Variants in TMEM38A observed in about 807,000 individuals in gnomAD.
The protein encoded by TMEM38A is transmembrane protein 38A.
In TMEM38A, 17 loss-of-function variants were observed where a neutral mutation model predicts 28.6. That is an observed-to-expected ratio of 0.60 (90% CI 0.41 to 0.89). The LOEUF (loss-of-function observed/expected upper bound fraction) is 0.89. Among genes scored for constraint, TMEM38A ranks in the 40% least tolerant of loss-of-function variants. The pLI is 0.00. For missense variants in TMEM38A, 328 were observed against 393.1 expected (o/e 0.83, Z 1.40); for synonymous variants, 169 against 166.1 (o/e 1.02, Z -0.14).
Position 16,688,469 on chromosome 19 carries a change from T to G in TMEM38A, c.*98T>G. 1.0e-6 allele frequency: 1 copy of G among 1,001,790 alleles called. No individual in the cohort carries two copies. Among genetic ancestry groups the G allele is most frequent in the Non-Finnish European group, 1.3e-6 (1 of 742,010 alleles). The allele number at this position is 1,001,790 out of a possible 1,614,324, so 62.1% of individuals were successfully genotyped here. ...AGATCTATCCTTTCCTGGCCTTGAC[T>G]TCCCCATCTGCAAATCAGGGTCATT... is the stretch of plus-strand genomic sequence containing the variant. On this transcript the variant is annotated 3_prime_UTR_variant, in exon 6 of 6. Coordinates refer to ENST00000187762, the MANE Select transcript of TMEM38A (RefSeq NM_024074.4).
intron 1 of TMEM38A, among the ~76,000 whole-genome samples, chr19:16,675,096 C>A (rs73006573): frequency 0.022 from 3,419 of 152,248 alleles, 47 homozygotes; most frequent in Middle Eastern, 0.041. Context: ...TCTCAGAGTT[C>A]TGGAGGCTGG....
Position 16,688,283 on chromosome 19 carries a change from C to T in TMEM38A, c.812C>T (p.Pro271Leu), listed in dbSNP as rs2086810208. The change falls in exon 6 of 6, where the codon CCA (proline) becomes CTA (leucine). Residue 271 changes from proline (P) to leucine (L), a missense_variant. Transcript: ENST00000187762. Reference protein sequence around the residue: ...NHGGSHSGGGPGAQHSAMPAK... With the variant: ...NHGGSHSGGGLGAQHSAMPAK... ...GGTGGGTCCCACAGCGGTGGTGGGC[C>T]AGGAGCTCAGCATTCGGCCATGCCC... 1 of 1,608,626 alleles carries T rather than the reference C, an allele frequency of 6.2e-7. No homozygotes were observed. The highest frequency in any genetic ancestry group is 1.3e-5 in the African/African-American group (1 of 74,604).
At chr19:16,679,252 CGTGTGTGTGTGTGTGT>C (rs35543309) in intron 1 of TMEM38A, among the ~76,000 whole-genome samples, 4,648 of 128,382 alleles carry the variant, frequency 0.036, 270 homozygotes, top group African/African-American at 0.12. Flanking sequence ...TCTTTTGTTT[CGTGTGTGTGTGTGTGT>C]GTGTGTGTGT....
intron 1 of TMEM38A, among the ~76,000 whole-genome samples, chr19:16,676,822 A>G (rs1483908105): frequency 2.2e-5 from 3 of 135,988 alleles, no homozygotes; most frequent in Non-Finnish European, 4.5e-5. Flanking sequence ...GGGCAATGGC[A>G]CGATCTCAGC....
At chr19:16,676,917 C>T (rs988213571) in intron 1 of TMEM38A, among the ~76,000 whole-genome samples, 2 of 151,718 alleles carry the variant, frequency 1.3e-5, no homozygotes, top group Admixed American at 6.6e-5. Flanking sequence ...CCCACCACCA[C>T]GCCTGGCTAA....
At chr19:16,683,295 G>T (rs1438667610) in intron 4 of TMEM38A, among the ~76,000 whole-genome samples, 1 of 152,060 alleles carries the variant, frequency 6.6e-6, no homozygotes, top group Non-Finnish European at 1.5e-5. Context: ...ATTTTTAAAA[G>T]ACCTTGTTGG....
chr19:16,683,622 A>G (rs2086790307), intron 4 of TMEM38A, among the ~76,000 whole-genome samples: 1 of 149,028 alleles, frequency 6.7e-6, no homozygotes, highest in Non-Finnish European at 1.5e-5. Flanking sequence ...GGGATCATGC[A>G]TTTAAATCAC....
At chr19:16,685,195 C>T (rs1163847890) in intron 4 of TMEM38A, among the ~76,000 whole-genome samples, 17 of 151,740 alleles carry the variant, frequency 1.1e-4, no homozygotes, top group East Asian at 3.9e-4. Context: ...AAAACCAGCC[C>T]GGCCGACATG....
At chr19:16,671,938 T>C (rs1407273603) in intron 1 of TMEM38A, among the ~76,000 whole-genome samples, 1 of 152,222 alleles carries the variant, frequency 6.6e-6, no homozygotes, top group Non-Finnish European at 1.5e-5. Flanking sequence ...CTGCAAAACA[T>C]GGGTGCCTCA....
intron 4 of TMEM38A, among the ~76,000 whole-genome samples, chr19:16,683,123 G>A (rs1429878436): frequency 6.6e-6 from 1 of 152,058 alleles, no homozygotes; most frequent in Non-Finnish European, 1.5e-5. Context: ...ACAGGCATGT[G>A]CCACCATGCC....
chr19:16,675,544 A>ATTTT (rs778592406), intron 1 of TMEM38A, among the ~76,000 whole-genome samples: 1 of 89,766 alleles, frequency 1.1e-5, no homozygotes, highest in East Asian at 3.3e-4. Flanking sequence ...TCTCTTGACT[A>ATTTT]TTTTTTTTTT....
chr19:16,680,481 G>A lies in TMEM38A; in HGVS notation c.366G>A (p.Lys122=), dbSNP rs1315209134. ...LPVKLIFVAM[K]EVVRVRKIAV... is the part of the protein sequence containing the mutation. ...TGAAACTCATCTTCGTGGCCATGAA[G>A]GAGGTGGTGCGAGTCCGCAAGATCG... Residue 122 remains lysine, a synonymous_variant, in exon 3 of 6, where the codon AAG becomes AAA. Coordinates refer to ENST00000187762, the MANE Select transcript of TMEM38A (RefSeq NM_024074.4). The A allele has an allele frequency of 2.5e-6, 4 of 1,614,204 alleles. No homozygotes were observed. Among genetic ancestry groups the A allele is most frequent in the Non-Finnish European group, 2.5e-6 (3 of 1,180,048 alleles).
intron 1 of TMEM38A, among the ~76,000 whole-genome samples, chr19:16,665,109 A>G (rs906486054): frequency 1.3e-5 from 2 of 152,146 alleles, no homozygotes; most frequent in African/African-American, 4.8e-5. Context: ...AGCCTGACCT[A>G]CATGGAGAAA....
intron 1 of TMEM38A, among the ~76,000 whole-genome samples, chr19:16,662,629 T>G (rs2086687161): frequency 3.3e-5 from 5 of 151,864 alleles, no homozygotes; most frequent in Admixed American, 3.3e-4. Flanking sequence ...AATTTTTGTA[T>G]TTTTAGTAGA....
chr19:16,672,367 A>G (rs1261966202), intron 1 of TMEM38A, among the ~76,000 whole-genome samples: 2 of 151,710 alleles, frequency 1.3e-5, no homozygotes, highest in Non-Finnish European at 2.9e-5. Context: ...TTTGATGAAG[A>G]ATTATCTTGG....
chr19:16,674,949 C>T (rs771293358), intron 1 of TMEM38A, among the ~76,000 whole-genome samples: 3 of 152,104 alleles, frequency 2.0e-5, no homozygotes, highest in Admixed American at 6.6e-5. Context: ...GCTGAACTCA[C>T]GGAGGGATGA....
intron 1 of TMEM38A, among the ~76,000 whole-genome samples, chr19:16,662,436 C>CTTTTTTTTT (rs35226829): frequency 2.9e-4 from 22 of 75,838 alleles, no homozygotes; most frequent in African/African-American, 9.3e-4. Flanking sequence ...TAAATGCACG[C>CTTTTTTTTT]TTTTTTTTTT....
chr19:16,672,985 A>G (rs1404545353), intron 1 of TMEM38A, among the ~76,000 whole-genome samples: 1 of 152,158 alleles, frequency 6.6e-6, no homozygotes, highest in Non-Finnish European at 1.5e-5. Flanking sequence ...GAATGCCCCC[A>G]TAGCAAAAAA....
intron 1 of TMEM38A, 105 bp from the exon 2 acceptor site, chr19:16,679,879 T>G: frequency 8.0e-7 from 1 of 1,245,086 alleles, no homozygotes; most frequent in Non-Finnish European, 1.1e-6. Context: ...AACTGCACAG[T>G]GTTGGGTGGG....
Sources: gnomAD v4.1 joint callset for allele counts (sites outside exome capture counted in the v4.1 genomes callset) on GRCh38, gnomAD v4.1.1 for gene constraint, MANE v1.5 for transcripts, NCBI Gene and HGNC (gene_info 2026-07-23, HGNC 2026-07-21) for gene names.